Variants in KMO observed in about 807,000 individuals in gnomAD.
The protein encoded by KMO is kynurenine 3-hydroxylase.
Under a neutral mutation model 57.8 loss-of-function variants are expected in KMO, and 24 were observed. The observed-to-expected ratio is 0.42, with a 90% CI of 0.30 to 0.58. KMO has a LOEUF of 0.58. Among genes scored for constraint, KMO ranks in the 20% least tolerant of loss-of-function variants. The probability of loss-of-function intolerance (pLI) is 0.22; values close to 1 mark genes in which losing one functional copy is unlikely to be tolerated. For synonymous variants in KMO, 210 were observed against 193.6 expected, an observed-to-expected ratio of 1.08 and a Z score of -0.70; for missense variants, 483 against 588.2, an observed-to-expected ratio of 0.82 and a Z score of 1.85.
chr1:241,567,234 C>T (rs1409728242), intron 9 of KMO, among the ~76,000 whole-genome samples: 1 of 152,220 alleles, frequency 6.6e-6, no homozygotes, highest in East Asian at 1.9e-4. Flanking sequence ...CTACCATAGA[C>T]TCGGTGGCTT....
intron 14 of KMO, among the ~76,000 whole-genome samples, chr1:241,591,304 C>T (rs948220389): frequency 2.6e-5 from 4 of 151,984 alleles, no homozygotes; most frequent in Non-Finnish European, 5.9e-5. Context: ...CTGATGACCA[C>T]ATCTAGATTA....
At chr1:241,558,749 T>C (rs1661729947) in intron 5 of KMO, among the ~76,000 whole-genome samples, 11 of 147,580 alleles carry the variant, frequency 7.5e-5, no homozygotes. Context: ...GGCACGTGTA[T>C]ACTTTTCCAA....
chr1:241,586,176 C>G (rs182312989), intron 10 of KMO, among the ~76,000 whole-genome samples: 6 of 146,200 alleles, frequency 4.1e-5, no homozygotes, highest in Admixed American at 3.4e-4. Context: ...CACTGCCAAG[C>G]ATGAAGTCTA....
chr1:241,540,912 A>C (rs980324818), intron 1 of KMO, among the ~76,000 whole-genome samples: 3 of 152,134 alleles, frequency 2.0e-5, no homozygotes, highest in African/African-American at 7.2e-5. Flanking sequence ...AAAATTAAAA[A>C]AATTAGCCAG....
rs529458186 is a variant in KMO at position 241,562,575 on chromosome 1, C to T, written c.615+243C>T. 5.3e-5 allele frequency among the ~76,000 whole-genome samples: 8 copies of T among 152,318 alleles called. No homozygotes were observed. The East Asian group carries it at 1.2e-3, about 22-fold the overall frequency. Reference sequence around the variant, plus strand: ...AAGGAGCAGTCTGGGCACAGTGGCTCATGCCTGTAATCCCAGCAATTTGGG... The same window carrying T: ...AAGGAGCAGTCTGGGCACAGTGGCTTATGCCTGTAATCCCAGCAATTTGGG... On this transcript the variant is annotated intron_variant, in intron 7 of 14. Transcript: ENST00000366559.
At chr1:241,571,970 G>A (rs1396483449) in intron 10 of KMO, among the ~76,000 whole-genome samples, 2 of 149,040 alleles carry the variant, frequency 1.3e-5, no homozygotes, top group Middle Eastern at 3.5e-3. Context: ...GGGTTTAAGC[G>A]ATTTTCCTGC....
At chr1:241,548,402 A>G (rs896438543) in intron 1 of KMO, among the ~76,000 whole-genome samples, 6 of 152,216 alleles carry the variant, frequency 3.9e-5, no homozygotes, top group Admixed American at 6.5e-5. Flanking sequence ...TCTATGTGAG[A>G]GGAAGAGGAC....
intron 1 of KMO, among the ~76,000 whole-genome samples, chr1:241,535,556 G>A (rs757872057): frequency 6.6e-6 from 1 of 152,048 alleles, no homozygotes; most frequent in Non-Finnish European, 1.5e-5. Flanking sequence ...GACATGTTCA[G>A]TCAAAGAGAT....
intron 10 of KMO, among the ~76,000 whole-genome samples, chr1:241,571,562 A>G (rs986778115): frequency 6.6e-6 from 1 of 152,028 alleles, no homozygotes; most frequent in East Asian, 1.9e-4. Context: ...TTTGTCTTTC[A>G]TTCTGTTGAT....
chr1:241,534,512 C>A (rs953057275), intron 1 of KMO, among the ~76,000 whole-genome samples: 2 of 152,246 alleles, frequency 1.3e-5, no homozygotes, highest in Admixed American at 1.3e-4. Context: ...TTCTATCCAT[C>A]CTATTGTTCA....
At chr1:241,565,779 G>A (rs61210367) in intron 8 of KMO, among the ~76,000 whole-genome samples, 42,607 of 151,992 alleles carry the variant, frequency 0.28, 6,405 homozygotes, top group East Asian at 0.4. Flanking sequence ...TTTTTTCCTA[G>A]GTAGATATAG....
At chr1:241,549,271 AAGG>A (rs1221632375) in intron 2 of KMO, among the ~76,000 whole-genome samples, 125 of 119,190 alleles carry the variant, frequency 1.0e-3, no homozygotes, top group Middle Eastern at 4.3e-3. Flanking sequence ...GAAAGAAAGG[AAGG>A]AAGAAAGAAA....
chr1:241,586,927 CAT>C (rs1469776368), intron 11 of KMO, among the ~76,000 whole-genome samples, 191 bp downstream of exon 11: 1 of 152,136 alleles, frequency 6.6e-6, no homozygotes, highest in African/African-American at 2.4e-5. Flanking sequence ...GAAAAAGAAA[CAT>C]AGTTTCTTTT....
Position 241,549,789 on chromosome 1 carries a change from T to C in KMO, c.222+15T>C. ...TGGAAGATCAGGTACTTAATGTATC[T>C]TTCTTACAGAAGATAATACCTGGTA... On this transcript the variant is annotated intron_variant, in intron 3 of 14. Transcript: ENST00000366559. The C allele has an allele frequency of 6.7e-7, 1 of 1,493,474 alleles. No individual in the cohort carries two copies. The highest frequency in any genetic ancestry group is 9.3e-7 in the Non-Finnish European group (1 of 1,073,900). 92.5% of individuals were successfully genotyped at this position (1,493,474 alleles called of 1,614,324 possible). A position where few individuals can be genotyped will look rare whatever the true frequency, so the allele number is the denominator to read the frequency against.
intron 14 of KMO, 112 bp downstream of exon 14, chr1:241,590,375 G>A (rs1663213799): frequency 1.1e-6 from 1 of 871,294 alleles, no homozygotes; most frequent in African/African-American, 1.7e-5. Flanking sequence ...GACACCAACT[G>A]TTTGCCTTCC....
At chr1:241,590,147 G>A (rs1367331214) in intron 13 of KMO, 34 bp downstream of exon 13, 23 of 1,608,610 alleles carry the variant, frequency 1.4e-5, no homozygotes, top group Non-Finnish European at 2.0e-5. Context: ...TCCTCATTTT[G>A]ATTTTCTGTT....
intron 10 of KMO, among the ~76,000 whole-genome samples, chr1:241,578,882 T>A (rs114753314): frequency 0.12 from 18,573 of 152,098 alleles, 1,181 homozygotes; most frequent in East Asian, 0.16. Flanking sequence ...TGAAAGGCCC[T>A]TCTCACATGG....
chr1:241,552,119 G>T (rs1661423526), intron 4 of KMO, among the ~76,000 whole-genome samples: 1 of 152,082 alleles, frequency 6.6e-6, no homozygotes. Flanking sequence ...GAGGGACTTG[G>T]AGATGACACC....
chr1:241,568,646 C>A lies in KMO; in HGVS notation c.956C>A (p.Ala319Glu). The A allele has an allele frequency of 6.2e-7, 1 of 1,612,950 alleles. No homozygotes were observed. The highest frequency in any genetic ancestry group is 1.1e-5 in the South Asian group (1 of 90,994). ...IVPFFGQGMN[A>E]GFEDCLVFDE... ...CCGTTTTTTGGGCAAGGAATGAATG[C>A]GGTAAGTTCTTTTTCCCTAGGTAAG... Residue 319 changes from alanine (A) to glutamate (E), a missense_variant and splice_region_variant, in exon 10 of 15, where the codon GCG becomes GAG. Ala to Glu is a moderately radical substitution (Grantham distance 107). This residue lies in a region of KMO where 410 missense variants were observed against 492.3 expected (regional missense o/e 0.83). Coordinates refer to ENST00000366559, the MANE Select transcript of KMO (RefSeq NM_003679.5).
Sources: gnomAD v4.1 joint callset for allele counts (sites outside exome capture counted in the v4.1 genomes callset) on GRCh38, gnomAD v4.1.1 for gene constraint, gnomAD v4.1.1 regional missense constraint, MANE v1.5 for transcripts, NCBI Gene and HGNC (gene_info 2026-07-23, HGNC 2026-07-21) for gene names.